Variants in RNF115 observed in about 807,000 individuals in gnomAD.
RNF115 encodes ring finger protein 115.
A neutral mutation model predicts 39.2 loss-of-function variants in RNF115; 31 were observed. That is an observed-to-expected ratio of 0.79 (90% confidence interval 0.59 to 1.07). The LOEUF (loss-of-function observed/expected upper bound fraction) is 1.07, where lower values mean the gene tolerates loss of function less well. Ranked by LOEUF, RNF115 falls within the 50% of genes least tolerant of loss-of-function variation. The pLI is 0.00. For missense variants in RNF115, 384 were observed against 381.7 expected, an observed-to-expected ratio of 1.01 and a Z score of -0.05; for synonymous variants, 124 against 131.0, an observed-to-expected ratio of 0.95 and a Z score of 0.37.
intron 1 of RNF115, among the ~76,000 whole-genome samples, chr1:145,796,372 T>C (rs143278783): frequency 6.6e-6 from 1 of 152,328 alleles, no homozygotes; most frequent in African/African-American, 2.4e-5. Flanking sequence ...AGATTTGTTG[T>C]ATTATTCTGT....
rs1013202319 is a variant in RNF115 at position 145,765,431 on chromosome 1, T to A, written c.428+6280A>T. On this transcript the variant is annotated intron_variant, in intron 4 of 8. Coordinates refer to ENST00000582693, the MANE Select transcript of RNF115 (RefSeq NM_014455.4). ...GAATGATCAATAAAAAAAAAAAAAATTAAAAAAAAATTATTTGAAGTGAAA... is the reference window on the plus strand; with the variant it reads ...GAATGATCAATAAAAAAAAAAAAAAATAAAAAAAAATTATTTGAAGTGAAA... Among the ~76,000 whole-genome samples the A allele has an allele frequency of 1.8e-4, 26 of 146,870 alleles. No individual in the cohort carries two copies. In the East Asian group the frequency reaches 2.4e-3, roughly 13 times the overall value.
At chr1:145,753,116 C>CTATCACCAACTAATTCCTAA in intron 4 of RNF115, 67 bp from the exon 5 acceptor site, 1 of 1,061,558 alleles carries the variant, frequency 9.4e-7, no homozygotes, top group Non-Finnish European at 1.4e-6. Flanking sequence ...ATATCCATGG[C>CTATCACCAACTAATTCCTAA]TGCCTAATCA....
At chr1:145,801,629 C>A (rs188633843) in intron 1 of RNF115, among the ~76,000 whole-genome samples, 11 of 152,272 alleles carry the variant, frequency 7.2e-5, no homozygotes, top group African/African-American at 2.6e-4. Flanking sequence ...ATGTCAGGCA[C>A]TATGGAAATC....
intron 4 of RNF115, among the ~76,000 whole-genome samples, chr1:145,754,614 G>C (rs1407231865): frequency 6.6e-6 from 1 of 152,146 alleles, no homozygotes; most frequent in Non-Finnish European, 1.5e-5. Flanking sequence ...TGGGATTATA[G>C]GCATGAGCCA....
At chr1:145,801,262 G>T (rs587715931) in intron 1 of RNF115, among the ~76,000 whole-genome samples, 1 of 152,254 alleles carries the variant, frequency 6.6e-6, no homozygotes, top group Admixed American at 6.5e-5. Flanking sequence ...ATTATACCAT[G>T]CTGATTGAAA....
intron 4 of RNF115, among the ~76,000 whole-genome samples, chr1:145,758,856 G>A (rs1658396779): frequency 1.3e-5 from 2 of 152,108 alleles, no homozygotes; most frequent in South Asian, 2.1e-4. Context: ...GTTGCTCAGA[G>A]AACAATAGTT....
intron 3 of RNF115, among the ~76,000 whole-genome samples, chr1:145,782,585 T>C (rs2101555541): frequency 6.6e-6 from 1 of 152,358 alleles, no homozygotes; most frequent in East Asian, 1.9e-4. Flanking sequence ...CCATCAGTGT[T>C]GGATTTAGCA....
At chr1:145,802,268 C>T (rs146886828) in intron 1 of RNF115, among the ~76,000 whole-genome samples, 1 of 152,232 alleles carries the variant, frequency 6.6e-6, no homozygotes, top group African/African-American at 2.4e-5. Context: ...GGTTCTGAAT[C>T]GAGAACAACT....
At chr1:145,804,499 GCACA>G (rs35848173) in intron 1 of RNF115, among the ~76,000 whole-genome samples, 74,719 of 148,290 alleles carry the variant, frequency 0.5, 19,530 homozygotes, top group East Asian at 0.66. Context: ...ATGCATGCAT[GCACA>G]CACACACACA....
Position 145,800,093 on chromosome 1 carries a change from T to C in RNF115, c.103-11127A>G, listed in dbSNP as rs587599310. Among the ~76,000 whole-genome samples, 35 of 152,336 alleles carry C rather than the reference T, an allele frequency of 2.3e-4. 1 individual carries two copies. The highest frequency in any genetic ancestry group is 5.5e-4 in the African/African-American group (23 of 41,576). ...GTGTTTGAAATTTTCCATGATAAAG[T>C]TTGTTTTAAGTTACAACAGTCTGAG... On this transcript the variant is annotated intron_variant, in intron 1 of 8. Transcript: ENST00000582693.
At chr1:145,747,368 T>G (rs1657913628) in intron 8 of RNF115, among the ~76,000 whole-genome samples, 1 of 151,998 alleles carries the variant, frequency 6.6e-6, no homozygotes, top group Non-Finnish European at 1.5e-5. Context: ...GACAGGAAAA[T>G]TGGCCGAGTG....
chr1:145,798,561 CATAGCTTAGTA>C (rs587742959), intron 1 of RNF115, among the ~76,000 whole-genome samples: 41 of 152,222 alleles, frequency 2.7e-4, no homozygotes, highest in African/African-American at 8.4e-4. Context: ...GTTTTATTAC[CATAGCTTAGTA>C]ATATATTTTG....
chr1:145,754,644 T>C (rs781983014), intron 4 of RNF115, among the ~76,000 whole-genome samples: 17 of 152,036 alleles, frequency 1.1e-4, no homozygotes, highest in Non-Finnish European at 7.4e-5. Flanking sequence ...GCTGAAAACA[T>C]TGTTATTAAC....
In RNF115 at chr1:145,788,920, G is replaced by C; in HGVS notation, c.149C>G (p.Thr50Arg). ...RCESGFIEEV[T>R]DDSSFLGGGG... ...GCTTGTACAATACCTGGAATCATCT[G>C]TCACTTCTTCAATAAAGCCTGATTC... The change falls in exon 2 of 9, where the codon ACA (threonine) becomes AGA (arginine). Residue 50 changes from threonine to arginine, a missense_variant. Transcript: ENST00000582693. The C allele has an allele frequency of 1.3e-6, 2 of 1,596,622 alleles. No individual in the cohort carries two copies.
At chr1:145,809,024 A>T (rs782588644) in intron 1 of RNF115, among the ~76,000 whole-genome samples, 17 of 151,796 alleles carry the variant, frequency 1.1e-4, no homozygotes, top group Non-Finnish European at 2.4e-4. Flanking sequence ...TTATGGGATG[A>T]CTCCTCTTCT....
chr1:145,807,416 ACTT>A (rs1258126734), intron 1 of RNF115, among the ~76,000 whole-genome samples: 1 of 152,192 alleles, frequency 6.6e-6, no homozygotes, highest in Non-Finnish European at 1.5e-5. Context: ...TATTAAAACA[ACTT>A]CTCCCTATCC....
intron 3 of RNF115, among the ~76,000 whole-genome samples, 175 bp downstream of exon 3, chr1:145,784,364 G>A (rs587639097): frequency 5.3e-5 from 8 of 152,236 alleles, no homozygotes; most frequent in South Asian, 2.1e-4. Context: ...AAGGTAACAC[G>A]CCCAAGCCCC....
At chr1:145,750,278 T>C (rs1658026138) in intron 7 of RNF115, 129 bp downstream of exon 7, 1 of 731,054 alleles carries the variant, frequency 1.4e-6, no homozygotes, top group East Asian at 2.7e-5. Flanking sequence ...TAGGAAGGTA[T>C]TGGGATTTTT....
Position 145,766,934 on chromosome 1 carries a change from GGGGCT to G in RNF115, c.428+4772_428+4776del, listed in dbSNP as rs1647328328. ...CCGGACGGGGCGGCTGGCCGGGCGG[GGGGCT>G]GACCTGACCCCCCCACCTCCCTCCC... On this transcript the variant is annotated intron_variant, in intron 4 of 8. Transcript: ENST00000582693. Among the ~76,000 whole-genome samples the G allele has an allele frequency of 6.0e-5, 5 of 83,768 alleles. No individual in the cohort carries two copies. The South Asian group carries it at 1.9e-3, about 32-fold the overall frequency. 55.0% of individuals were successfully genotyped at this position (83,768 alleles called of 152,430 possible).
Sources: allele counts gnomAD v4.1 joint callset (sites outside exome capture counted in the v4.1 genomes callset), GRCh38; gene constraint gnomAD v4.1.1; transcripts MANE v1.5; gene names NCBI Gene and HGNC (gene_info 2026-07-23, HGNC 2026-07-21).